The following IRS4 variants were observed in gnomAD, a reference collection of about 807,000 sequenced individuals.
IRS4 encodes the protein insulin receptor substrate 4.
In IRS4, 15 loss-of-function variants were observed where a neutral mutation model predicts 48.6. The ratio of observed to expected loss-of-function variants is 0.31; its 90% CI spans 0.21 to 0.48. The LOEUF is 0.48. Ranked by LOEUF, IRS4 falls within the 20% of genes least tolerant of loss-of-function variation. The pLI is 0.99. For synonymous variants in IRS4, 459 were observed against 413.2 expected (o/e 1.11, Z -1.34); for missense variants, 987 against 1,023.4 (o/e 0.96, Z 0.49).
chrX:108,735,683 G>T lies in IRS4; in HGVS notation c.662C>A (p.Ala221Glu). 8.5e-7 allele frequency: 1 copy of T among 1,181,643 alleles called. No homozygotes were observed. ...GGGTGGCTCCGCCGCCGCTGCCGCC[G>T]CCAGCGCGGCCGGCTCTCCGTCCGG... ...AQPDGEPAAL[A>E]AAAAAEPPFY... is the part of the protein sequence containing the mutation. The change falls in exon 1 of 2, where the codon GCG becomes GAG. Residue 221 changes from alanine (A) to glutamate (E), a missense_variant. Around this residue, in one of 4 missense-constraint regions of IRS4, gnomAD observed 173 missense variants for 208.9 expected, o/e 0.83. Transcript: ENST00000372129.
chrX:108,726,251 T>C (rs1467378090), intron 1 of IRS4: 1 of 112,314 alleles, frequency 8.9e-6, no homozygotes, highest in African/African-American at 3.2e-5. Context: ...ATGCAACTCC[T>C]GAACTAACAG....
At position 108,734,595 on chromosome X, in the gene IRS4, C is replaced by T. The variant is rs1801163; in HGVS notation, c.1750G>A (p.Gly584Ser). The change falls in exon 1 of 2, where the codon GGT becomes AGT. Residue 584 changes from glycine (G) to serine (S), a missense_variant. This residue lies in a region of IRS4 where 720 missense variants were observed against 660.3 expected (regional missense o/e 1.09). Transcript: ENST00000372129. ...QGPGDGHGSG[G>S]GKNSGGGKGS... ...TTGCCCCCCCCAGAGTTCTTGCCACCACCTGAGCCATGGCCATCTCCAGGT... is the reference window on the plus strand; with the variant it reads ...TTGCCCCCCCCAGAGTTCTTGCCACTACCTGAGCCATGGCCATCTCCAGGT... The T allele has an allele frequency of 8.3e-7, 1 of 1,209,584 alleles. No homozygotes were observed. The highest frequency in any genetic ancestry group is 1.1e-6 in the Non-Finnish European group (1 of 895,146).
Position 108,722,180 on chromosome X carries a change from T to C in IRS4, c.*339A>G, listed in dbSNP as rs2068858273. On this transcript the variant is annotated 3_prime_UTR_variant, in exon 2 of 2. Coordinates refer to ENST00000372129, the MANE Select transcript of IRS4 (RefSeq NM_001379150.1). ...CAAATTTATATGTATTCTAAGTTAC[T>C]TTTTTTTAAAGAGGGAAAGAGTTAT... The C allele has an allele frequency of 8.9e-6, 1 of 112,273 alleles. No homozygotes were observed. Among genetic ancestry groups the C allele is most frequent in the African/African-American group, 3.2e-5 (1 of 30,775 alleles). The allele number at this position is 112,273 out of a possible 1,213,427, so 9.3% of individuals were successfully genotyped here.
At chrX:108,723,502 T>C (rs940155252) in intron 1 of IRS4, 1 of 112,024 alleles carries the variant, frequency 8.9e-6, no homozygotes, top group Non-Finnish European at 1.9e-5. Flanking sequence ...GATGAAGCAC[T>C]GAGTGGGAAC....
Position 108,735,989 on chromosome X carries a change from C to T in IRS4, c.356G>A (p.Arg119Gln). Reference sequence around the variant, plus strand: ...AGCCGCCGCGGCGCGGACACTGTGCCGGAACTTCCTGGCATTTTCGTAGTA... The same window carrying T: ...AGCCGCCGCGGCGCGGACACTGTGCTGGAACTTCCTGGCATTTTCGTAGTA... ...LEYYENARKF[R>Q]HSVRAAAAAA... The change falls in exon 1 of 2, where the codon CGG becomes CAG. Residue 119 changes from arginine to glutamine, a missense_variant. Physicochemically the swap from Arg to Gln is conservative, Grantham distance 43. Transcript: ENST00000372129. The T allele has an allele frequency of 1.7e-6, 2 of 1,209,838 alleles. No homozygotes were observed. The highest frequency in any genetic ancestry group is 2.2e-6 in the Non-Finnish European group (2 of 895,000).
rs2068859078 is a variant in IRS4 at position 108,722,432 on chromosome X, C to T, written c.*87G>A. ...TTCTACTCAGAAGCCTCTGAGTTTT[C>T]TTTCCTTTAGGCAGATCTGGAGTAG... is the stretch of plus-strand genomic sequence containing the variant. On this transcript the variant is annotated 3_prime_UTR_variant, in exon 2 of 2. Coordinates refer to ENST00000372129, the MANE Select transcript of IRS4 (RefSeq NM_001379150.1). The T allele has an allele frequency of 7.1e-6, 2 of 280,670 alleles. No homozygotes were observed. The highest frequency in any genetic ancestry group is 4.4e-5 in the Admixed American group (1 of 22,973). The allele number at this position is 280,670 out of a possible 1,213,427, so 23.1% of individuals were successfully genotyped here.
chrX:108,727,514 C>G (rs897821345), intron 1 of IRS4, among the ~76,000 whole-genome samples: 1 of 111,894 alleles, frequency 8.9e-6, no homozygotes, highest in Admixed American at 9.5e-5. Flanking sequence ...AAACTCAGTG[C>G]TTTGTGATGT....
Position 108,734,441 on chromosome X carries a change from G to A in IRS4, c.1904C>T (p.Pro635Leu). ...QQMPPPPPPP[P>L]PPPPAGGTGG... ...AGTTCCTCCAGCTGGTGGGGGTGGA[G>A]GAGGAGGTGGTGGAGGTGGTGGCAT... Residue 635 changes from proline to leucine, a missense_variant, in exon 1 of 2, where the codon CCT becomes CTT. By Grantham distance (98) the Pro-to-Leu change is moderately conservative. Transcript: ENST00000372129. The A allele has an allele frequency of 2.5e-6, 3 of 1,211,946 alleles. No individual in the cohort carries two copies. Among genetic ancestry groups the A allele is most frequent in the Non-Finnish European group, 3.3e-6 (3 of 895,558 alleles).
chrX:108,725,853 A>G (rs2068872386), intron 1 of IRS4: 1 of 112,399 alleles, frequency 8.9e-6, no homozygotes, highest in Non-Finnish European at 1.9e-5. Flanking sequence ...TGACACTTGT[A>G]AACCCCCATC....
rs1166722507 is a variant in IRS4 at position 108,733,573 on chromosome X, C to A, written c.2772G>T (p.Met924Ile). 4.1e-6 allele frequency: 5 copies of A among 1,210,460 alleles called. No homozygotes were observed. The highest frequency in any genetic ancestry group is 5.6e-6 in the Non-Finnish European group (5 of 895,332). ...TATTGCTCTCTCTTTTAGTGAAGTC[C>A]ATGTTGACGTAGTCACTAGAGCTGT... The part of the protein sequence containing the change: ...EADSSSDYVN[M>I]DFTKRESNTP... Residue 924 changes from methionine (M) to isoleucine (I), a missense_variant, in exon 1 of 2, where the codon ATG becomes ATT. Transcript: ENST00000372129.
intron 1 of IRS4, among the ~76,000 whole-genome samples, chrX:108,731,435 A>G (rs1316190349): frequency 8.9e-6 from 1 of 111,864 alleles, no homozygotes; most frequent in Non-Finnish European, 1.9e-5. Context: ...AGCATATTCT[A>G]CTTAAGAGGC....
Position 108,733,582 on chromosome X carries a change from G to T in IRS4, c.2763C>A (p.Tyr921Ter), listed in dbSNP as rs753191496. The part of the protein sequence containing the change: ...EQREADSSSD[Y>*]VNMDFTKRES... ...CTCTTTTAGTGAAGTCCATGTTGAC[G>T]TAGTCACTAGAGCTGTCAGCTTCTC... The change falls in exon 1 of 2, where the codon TAC (tyrosine) becomes TAA (stop). Residue 921 changes from tyrosine (Y) to a stop codon, truncating the protein, a stop_gained. Transcript: ENST00000372129. LOFTEE classifies it high-confidence loss of function. The T allele has an allele frequency of 2.5e-6, 3 of 1,212,100 alleles. No individual in the cohort carries two copies. The highest frequency in any genetic ancestry group is 4.3e-5 in the Admixed American group (2 of 46,094).
Position 108,734,838 on chromosome X carries a change from C to CTCCTGAGCCCCGGCCATT in IRS4, c.1489_1506dup (p.Asn497_Gly502dup), listed in dbSNP as rs769647116. On this transcript the variant is annotated inframe_insertion, in exon 1 of 2. Coordinates refer to ENST00000372129, the MANE Select transcript of IRS4 (RefSeq NM_001379150.1). ...CCTTGGCCATTTGAGCCCTGGCCACCTCCTGAGCCCCGGCCATTTCCTGAG... is the reference window on the plus strand; with the variant it reads ...CCTTGGCCATTTGAGCCCTGGCCACCTCCTGAGCCCCGGCCATTTCCTGAGCCCCGGCCATTTCCTGAG... 5.8e-6 allele frequency: 7 copies of CTCCTGAGCCCCGGCCATT among 1,210,220 alleles called. No homozygotes were observed. The highest frequency in any genetic ancestry group is 7.8e-6 in the Non-Finnish European group (7 of 895,335).
At chrX:108,728,954 G>A (rs2068886766) in intron 1 of IRS4, among the ~76,000 whole-genome samples, 1 of 111,901 alleles carries the variant, frequency 8.9e-6, no homozygotes, top group Admixed American at 9.5e-5. Flanking sequence ...TCTTAAAATA[G>A]AATGAATGCA....
rs2068916136 is a variant in IRS4, at chrX:108,733,033, T to C, written c.3312A>G (p.Pro1104=). 3 of 1,209,705 alleles carry C rather than the reference T, an allele frequency of 2.5e-6. No individual in the cohort carries two copies. Among genetic ancestry groups the C allele is most frequent in the Admixed American group, 2.2e-5 (1 of 45,803 alleles). ...AAARAAVSAF[P]TDSLERDLSP... ...AAAGGTCTCTCTCGAGGCTGTCTGTTGGAAAAGCAGAGACAGCGGCTCTGG... is the reference window on the plus strand; with the variant it reads ...AAAGGTCTCTCTCGAGGCTGTCTGTCGGAAAAGCAGAGACAGCGGCTCTGG... Residue 1104 remains proline, a synonymous_variant, in exon 1 of 2, where the codon CCA becomes CCG. Coordinates refer to ENST00000372129, the MANE Select transcript of IRS4 (RefSeq NM_001379150.1).
Position 108,732,798 on chromosome X carries a change from C to A in IRS4, c.3547G>T (p.Gly1183Cys). Residue 1183 changes from glycine (G) to cysteine (C), a missense_variant, in exon 1 of 2, where the codon GGT becomes TGT. This residue lies in a region of IRS4 where 720 missense variants were observed against 660.3 expected (regional missense o/e 1.09). Transcript: ENST00000372129. ...EAVRGAQDVA[G>C]GSNPGAHNPS... ...TTGTGGGCTCCAGGGTTCGAGCCAC[C>A]GGCAACGTCTTGGGCTCCCCTTACT... 8.4e-7 allele frequency: 1 copy of A among 1,194,376 alleles called. No individual in the cohort carries two copies. The highest frequency in any genetic ancestry group is 1.1e-6 in the Non-Finnish European group (1 of 885,008).
chrX:108,730,994 A>AT (rs1167451610), intron 1 of IRS4, among the ~76,000 whole-genome samples: 1 of 111,669 alleles, frequency 9.0e-6, no homozygotes, highest in Non-Finnish European at 1.9e-5. Context: ...GAAATTATAT[A>AT]TTTTAAACGT....
chrX:108,733,326 T>C lies in IRS4; in HGVS notation c.3019A>G (p.Ser1007Gly), dbSNP rs376065302. ...LPPLPLSATG[S>G]NAIEEEGDYI... ...TCACCCTCTTCCTCAATAGCATTGC[T>C]ACCTGTAGCACTGAGGGGAAGGGGA... The change falls in exon 1 of 2, where the codon AGC (serine) becomes GGC (glycine). Residue 1007 changes from serine (S) to glycine (G), a missense_variant. By Grantham distance (56) the Ser-to-Gly change is moderately conservative (BLOSUM62 0). This residue lies in a region of IRS4 where 720 missense variants were observed against 660.3 expected (regional missense o/e 1.09). Transcript: ENST00000372129. The C allele has an allele frequency of 2.9e-5, 35 of 1,210,050 alleles. No individual in the cohort carries two copies. The highest frequency in any genetic ancestry group is 3.9e-5 in the Non-Finnish European group (35 of 895,197).
At chrX:108,730,405 A>C (rs1337404040) in intron 1 of IRS4, among the ~76,000 whole-genome samples, 1 of 105,412 alleles carries the variant, frequency 9.5e-6, no homozygotes, top group Non-Finnish European at 1.9e-5. Flanking sequence ...ATCACCCTCA[A>C]GATCAATTAT....
Sources: allele counts gnomAD v4.1 joint callset (sites outside exome capture counted in the v4.1 genomes callset), GRCh38; gene constraint gnomAD v4.1.1; regional missense constraint gnomAD v4.1.1; transcripts MANE v1.5; gene names NCBI Gene and HGNC (gene_info 2026-07-23, HGNC 2026-07-21).